Variants in PGD observed in about 807,000 individuals in gnomAD.
The protein encoded by PGD is 6-phosphogluconate dehydrogenase, decarboxylating.
In PGD, 21 loss-of-function variants were observed where a neutral mutation model predicts 60.4. The observed-to-expected ratio is 0.35, with a 90% CI of 0.25 to 0.50. The LOEUF is 0.50. PGD is among the 20% of genes least tolerant of loss of function. The pLI, the probability that PGD is intolerant of heterozygous loss-of-function variation, is 0.98. For synonymous variants in PGD, 230 were observed against 235.9 expected, an observed-to-expected ratio of 0.97 and a Z score of 0.23; for missense variants, 477 against 613.1, an observed-to-expected ratio of 0.78 and a Z score of 2.34.
At chr1:10,417,646 CT>C in intron 10 of PGD, 137 bp downstream of exon 10, 1 of 777,034 alleles carries the variant, frequency 1.3e-6, no homozygotes, top group Non-Finnish European at 2.0e-6. Context: ...ACAAGATAGG[CT>C]TAGATTATGT....
Position 10,419,873 on chromosome 1 carries a change from C to G in PGD, c.*124C>G. Reference sequence around the variant, plus strand: ...TTTTTTAAAAGTGTTGTAAGAGACTCCTGAGGAAGACACACAGTTTATTTG... The same window carrying G: ...TTTTTTAAAAGTGTTGTAAGAGACTGCTGAGGAAGACACACAGTTTATTTG... On this transcript the variant is annotated 3_prime_UTR_variant, in exon 13 of 13. Coordinates refer to ENST00000270776, the MANE Select transcript of PGD (RefSeq NM_002631.4). 1 of 1,136,828 alleles carries G rather than the reference C, an allele frequency of 8.8e-7. No homozygotes were observed. The highest frequency in any genetic ancestry group is 1.3e-6 in the Non-Finnish European group (1 of 787,478). 70.4% of individuals were successfully genotyped at this position (1,136,828 alleles called of 1,614,324 possible).
chr1:10,408,914 TG>T (rs1242622233), intron 6 of PGD, among the ~76,000 whole-genome samples: 8 of 152,178 alleles, frequency 5.3e-5, no homozygotes, highest in African/African-American at 1.9e-4. Context: ...CCCGGCCTCG[TG>T]TTGCTGTTAA....
chr1:10,409,685 T>C (rs1001191384), intron 6 of PGD, among the ~76,000 whole-genome samples: 1 of 117,970 alleles, frequency 8.5e-6, no homozygotes, highest in Non-Finnish European at 1.7e-5. Context: ...TGAGACAGTC[T>C]TGCTTTATCG....
intron 5 of PGD, among the ~76,000 whole-genome samples, chr1:10,407,401 G>T (rs903128957): frequency 1.3e-5 from 2 of 152,150 alleles, no homozygotes; most frequent in Non-Finnish European, 2.9e-5. Flanking sequence ...AGGGAGCCGT[G>T]ATTGTGCCAC....
At chr1:10,410,307 C>T (rs540087548) in intron 6 of PGD, among the ~76,000 whole-genome samples, 13 of 151,918 alleles carry the variant, frequency 8.6e-5, no homozygotes, top group Non-Finnish European at 1.5e-4. Context: ...CTGAGTGTGG[C>T]GGTGTGCTCC....
chr1:10,402,329 C>G (rs1404013866), intron 3 of PGD, among the ~76,000 whole-genome samples: 1 of 151,410 alleles, frequency 6.6e-6, no homozygotes, highest in Non-Finnish European at 1.5e-5. Flanking sequence ...CTCAACCTCC[C>G]AAAGTGTTGG....
rs533529724 is a variant in PGD, at chr1:10,419,501, G to A, written c.1294G>A (p.Gly432Arg). Residue 432 changes from glycine to arginine, a missense_variant, in exon 12 of 13, where the codon GGG (glycine) becomes AGG (arginine). Physicochemically the swap from Gly to Arg is moderately radical, Grantham distance 125. This residue lies in a region of PGD where 431 missense variants were observed against 556.6 expected (regional missense o/e 0.77). Coordinates refer to ENST00000270776, the MANE Select transcript of PGD (RefSeq NM_002631.4). ...TACCACTGCCCTCTCCTTCTATGAC[G>A]GGTACAGACATGAGATGCTTCCAGC... The part of the protein sequence containing the change: ...CFTTALSFYD[G>R]YRHEMLPASL... 1.9e-6 allele frequency: 3 copies of A among 1,614,170 alleles called. No individual in the cohort carries two copies. Among genetic ancestry groups the A allele is most frequent in the Admixed American group, 1.7e-5 (1 of 60,020 alleles).
chr1:10,418,941 C>T lies in PGD; in HGVS notation c.1209+16C>T. The T allele has an allele frequency of 7.2e-7, 1 of 1,395,172 alleles. No homozygotes were observed. 86.4% of individuals were successfully genotyped at this position (1,395,172 alleles called of 1,614,324 possible). A position where few individuals can be genotyped will look rare whatever the true frequency, so the allele number is the denominator to read the frequency against. ...AAACTGCCAGGTATGTAGCCTAGGG[C>T]TGGTGCCATGGTTACTCTACCTCCC... On this transcript the variant is annotated intron_variant, in intron 11 of 12. Transcript: ENST00000270776.
rs2102391040 is a variant in PGD, at chr1:10,408,113, G to A, written c.492G>A (p.Val164=). The A allele has an allele frequency of 1.2e-6, 2 of 1,605,254 alleles. No individual in the cohort carries two copies. Among genetic ancestry groups the A allele is most frequent in the Non-Finnish European group, 1.7e-6 (2 of 1,171,790 alleles). ...TCTTCCAAGGCATTGCTGCAAAAGTGGGAACTGGAGAACCCTGCTGTGACT... is the reference window on the plus strand; with the variant it reads ...TCTTCCAAGGCATTGCTGCAAAAGTAGGAACTGGAGAACCCTGCTGTGACT... The part of the protein sequence containing the change: ...KTIFQGIAAK[V]GTGEPCCDWV... The change falls in exon 6 of 13, where the codon GTG becomes GTA. Residue 164 remains valine, a synonymous_variant. Transcript: ENST00000270776.
intron 5 of PGD, among the ~76,000 whole-genome samples, chr1:10,406,288 A>T (rs1639403248): frequency 6.6e-6 from 1 of 151,244 alleles, no homozygotes; most frequent in Non-Finnish European, 1.5e-5. Flanking sequence ...AGTGGCTTGC[A>T]CCTGTAGTGC....
chr1:10,418,365 G>C (rs1478540149), intron 10 of PGD, among the ~76,000 whole-genome samples: 1 of 152,170 alleles, frequency 6.6e-6, no homozygotes. Flanking sequence ...CGCTGGCAGC[G>C]AGCTGCACTT....
Position 10,419,784 on chromosome 1 carries a change from G to C in PGD, c.*35G>C. On this transcript the variant is annotated 3_prime_UTR_variant, in exon 13 of 13. Transcript: ENST00000270776. ...TCCTGTCACCCTCCACGATTCCACA[G>C]ACCAGGACATTCCATGTGCCTCATG... 6.2e-7 allele frequency: 1 copy of C among 1,612,594 alleles called. No homozygotes were observed. The highest frequency in any genetic ancestry group is 8.5e-7 in the Non-Finnish European group (1 of 1,179,118).
chr1:10,405,943 T>G (rs1015092127), intron 5 of PGD, among the ~76,000 whole-genome samples: 4 of 152,120 alleles, frequency 2.6e-5, no homozygotes, highest in Non-Finnish European at 5.9e-5. Context: ...AAGCCCCACC[T>G]GCCAGGTTCA....
intron 7 of PGD, 192 bp from the exon 8 acceptor site, chr1:10,412,870 C>T (rs1024950281): frequency 3.7e-6 from 2 of 547,078 alleles, no homozygotes; most frequent in Non-Finnish European, 6.6e-6. Context: ...TTCAGTATAA[C>T]CAGGTTCAGA....
At position 10,412,983 on chromosome 1, in the gene PGD, A is replaced by G. The variant is rs906434429; in HGVS notation, c.655-79A>G. 2.5e-5 allele frequency: 30 copies of G among 1,217,564 alleles called. 1 individual carries two copies. In the Admixed American group the frequency reaches 5.4e-4, roughly 22 times the overall value. 75.4% of individuals were successfully genotyped at this position (1,217,564 alleles called of 1,614,324 possible). A position where few individuals can be genotyped will look rare whatever the true frequency, so the allele number is the denominator to read the frequency against. On this transcript the variant is annotated intron_variant, in intron 7 of 12. Coordinates refer to ENST00000270776, the MANE Select transcript of PGD (RefSeq NM_002631.4). ...CTGCTGGCAACCGTGAGCATTGGTC[A>G]GCGTGGACATTGGACAAGGGGCTTC...
chr1:10,399,179 T>C, intron 1 of PGD, 54 bp downstream of exon 1: 1 of 1,596,372 alleles, frequency 6.3e-7, no homozygotes, highest in Non-Finnish European at 8.5e-7. Flanking sequence ...GGGGAACTCT[T>C]TGGGGGTCGA....
chr1:10,411,476 G>A lies in PGD; in HGVS notation c.578G>A (p.Gly193Glu). The stretch of plus-strand genomic sequence containing the variant: ...ATGGTGCACAACGGGATAGAGTATG[G>A]GGACATGCAGCTGATCTGTGAGGCA... ...VKMVHNGIEY[G>E]DMQLICEAYH... The change falls in exon 7 of 13, where the codon GGG (glycine) becomes GAG (glutamate). Residue 193 changes from glycine (G) to glutamate (E), a missense_variant. This residue lies in a region of PGD where 431 missense variants were observed against 556.6 expected (regional missense o/e 0.77). Transcript: ENST00000270776. The A allele has an allele frequency of 1.9e-6, 3 of 1,612,884 alleles. No individual in the cohort carries two copies. The highest frequency in any genetic ancestry group is 2.5e-6 in the Non-Finnish European group (3 of 1,179,874).
intron 8 of PGD, among the ~76,000 whole-genome samples, chr1:10,416,702 AC>A (rs1639600903): frequency 6.6e-6 from 1 of 152,124 alleles, no homozygotes; most frequent in Non-Finnish European, 1.5e-5. Context: ...TTTTTCTCTT[AC>A]GGGCAGGGCC....
intron 5 of PGD, among the ~76,000 whole-genome samples, chr1:10,405,325 C>T (rs562726335): frequency 1.3e-5 from 2 of 151,368 alleles, no homozygotes; most frequent in East Asian, 2.0e-4. Flanking sequence ...GAGCCGAGAT[C>T]GCGCCACTGC....
Sources: allele counts gnomAD v4.1 joint callset (sites outside exome capture counted in the v4.1 genomes callset), GRCh38; gene constraint gnomAD v4.1.1; regional missense constraint gnomAD v4.1.1; transcripts MANE v1.5; gene names NCBI Gene and HGNC (gene_info 2026-07-23, HGNC 2026-07-21).